SAMD3: variants seen among roughly 807,000 people sequenced by gnomAD.
The protein encoded by SAMD3 is sterile alpha motif domain-containing protein 3.
In SAMD3, 63 loss-of-function variants were observed where a neutral mutation model predicts 58.5. That is an observed-to-expected ratio of 1.08 (90% CI 0.88 to 1.33). SAMD3 has a LOEUF of 1.33. Ranked by LOEUF, SAMD3 falls within the 40% of genes most tolerant of loss-of-function variation. The probability of loss-of-function intolerance (pLI) is 0.00; values close to 1 mark genes in which losing one functional copy is unlikely to be tolerated. For missense variants in SAMD3, 604 were observed against 608.4 expected (o/e 0.99, Z 0.08); for synonymous variants, 220 against 210.3 (o/e 1.05, Z -0.40).
At chr6:130,347,790 T>A (rs553882539) in intron 1 of SAMD3, among the ~76,000 whole-genome samples, 54 of 151,974 alleles carry the variant, frequency 3.6e-4, no homozygotes, top group African/African-American at 1.3e-3. Flanking sequence ...TTCACCAAAG[T>A]TGAAATGAAG....
At chr6:130,161,965 G>A (rs1410465224) in intron 8 of SAMD3, 2 of 293,036 alleles carry the variant, frequency 6.8e-6, no homozygotes, top group Non-Finnish European at 1.3e-5. Context: ...TGCTCAAGGA[G>A]GAATCAAAGA....
At chr6:130,313,271 T>G (rs140812294) in intron 1 of SAMD3, among the ~76,000 whole-genome samples, 11 of 152,314 alleles carry the variant, frequency 7.2e-5, no homozygotes, top group South Asian at 4.1e-4. Flanking sequence ...TGACATTTTG[T>G]GCTGGGTAAT....
At chr6:130,343,578 T>C (rs1476190327) in intron 1 of SAMD3, among the ~76,000 whole-genome samples, 1 of 152,096 alleles carries the variant, frequency 6.6e-6, no homozygotes, top group Admixed American at 6.6e-5. Flanking sequence ...ATGCATGGGC[T>C]GGGTGAGTTA....
At chr6:130,245,261 A>G (rs1281044699) in intron 2 of SAMD3, among the ~76,000 whole-genome samples, 2 of 152,268 alleles carry the variant, frequency 1.3e-5, no homozygotes, top group African/African-American at 2.4e-5. Flanking sequence ...CACTGTGATC[A>G]GAAATGTCTA....
chr6:130,210,243 G>C (rs932701712), intron 4 of SAMD3, among the ~76,000 whole-genome samples: 1 of 152,158 alleles, frequency 6.6e-6, no homozygotes, highest in Non-Finnish European at 1.5e-5. Flanking sequence ...CCCATCATTT[G>C]CTGAGGTATC....
At chr6:130,198,537 TCA>T (rs1794354041) in intron 5 of SAMD3, among the ~76,000 whole-genome samples, 1 of 152,170 alleles carries the variant, frequency 6.6e-6, no homozygotes, top group African/African-American at 2.4e-5. Flanking sequence ...CATAAAATTG[TCA>T]CCTTTCAAAA....
At chr6:130,340,077 A>C (rs987708165) in intron 1 of SAMD3, among the ~76,000 whole-genome samples, 5 of 152,230 alleles carry the variant, frequency 3.3e-5, no homozygotes, top group South Asian at 2.1e-4. Context: ...CATGACTTAC[A>C]TCTAATCTAT....
intron 8 of SAMD3, among the ~76,000 whole-genome samples, chr6:130,156,684 A>G (rs1216854792): frequency 6.6e-6 from 1 of 152,172 alleles, no homozygotes; most frequent in African/African-American, 2.4e-5. Context: ...TATGAACAGT[A>G]TGATTGTTGG....
intron 5 of SAMD3, among the ~76,000 whole-genome samples, chr6:130,198,878 C>A (rs762081035): frequency 6.6e-6 from 1 of 152,288 alleles, no homozygotes; most frequent in Middle Eastern, 3.4e-3. Flanking sequence ...GGACCCAGGG[C>A]AGAGTTCATA....
intron 1 of SAMD3, among the ~76,000 whole-genome samples, chr6:130,316,586 C>T (rs1776380684): frequency 1.3e-5 from 2 of 152,150 alleles, no homozygotes; most frequent in Non-Finnish European, 2.9e-5. Flanking sequence ...ACAAATACCC[C>T]ATGAGGTAGG....
At chr6:130,349,652 C>G (rs916890921) in intron 1 of SAMD3, among the ~76,000 whole-genome samples, 11 of 152,312 alleles carry the variant, frequency 7.2e-5, no homozygotes, top group Non-Finnish European at 1.0e-4. Flanking sequence ...CAAGGAGGAG[C>G]TGGTACCATT....
intron 2 of SAMD3, among the ~76,000 whole-genome samples, chr6:130,277,022 T>C (rs1774799218): frequency 6.6e-6 from 1 of 152,158 alleles, no homozygotes; most frequent in African/African-American, 2.4e-5. Flanking sequence ...AGACCAATTG[T>C]AGGTTCTAAA....
chr6:130,323,082 A>C (rs1268520777), intron 1 of SAMD3, among the ~76,000 whole-genome samples: 1 of 152,228 alleles, frequency 6.6e-6, no homozygotes, highest in Non-Finnish European at 1.5e-5. Context: ...CATTTTATAA[A>C]AAGTCAAAAC....
chr6:130,362,019 G>A (rs1410632772), intron 1 of SAMD3, among the ~76,000 whole-genome samples: 1 of 152,208 alleles, frequency 6.6e-6, no homozygotes, highest in African/African-American at 2.4e-5. Flanking sequence ...TAGCCCGGCT[G>A]TTCGGGTCAA....
At chr6:130,279,569 C>T (rs983685058) in intron 2 of SAMD3, among the ~76,000 whole-genome samples, 1 of 150,196 alleles carries the variant, frequency 6.7e-6, no homozygotes, top group African/African-American at 2.5e-5. Context: ...ACTGCAACCT[C>T]CACCTCCCAG....
intron 5 of SAMD3, 67 bp from the exon 6 acceptor site, chr6:130,184,690 C>T: frequency 9.0e-6 from 12 of 1,338,352 alleles, no homozygotes; most frequent in Non-Finnish European, 1.2e-5. Flanking sequence ...TAATTTGCTA[C>T]ATCCTGAGAA....
intron 2 of SAMD3, among the ~76,000 whole-genome samples, chr6:130,268,682 T>G (rs1774447640): frequency 6.6e-6 from 1 of 152,222 alleles, no homozygotes; most frequent in Admixed American, 6.5e-5. Context: ...AGTAACGTGT[T>G]GTAAAGGTTT....
chr6:130,231,426 T>C (rs1796544760), intron 2 of SAMD3, among the ~76,000 whole-genome samples: 1 of 152,026 alleles, frequency 6.6e-6, no homozygotes, highest in Admixed American at 6.6e-5. Context: ...TAGCCAGGGG[T>C]GGCGATGGAT....
intron 1 of SAMD3, among the ~76,000 whole-genome samples, chr6:130,335,305 T>C (rs2115017114): frequency 6.6e-6 from 1 of 152,340 alleles, no homozygotes; most frequent in Non-Finnish European, 1.5e-5. Flanking sequence ...CTCTCCAATG[T>C]ATATGACTTG....
Sources: gnomAD v4.1 joint callset for allele counts (sites outside exome capture counted in the v4.1 genomes callset) on GRCh38, gnomAD v4.1.1 for gene constraint, MANE v1.5 for transcripts, NCBI Gene and HGNC (gene_info 2026-07-23, HGNC 2026-07-21) for gene names.